The following AFF1 variants were observed in gnomAD, a reference collection of about 807,000 sequenced individuals.
The protein encoded by AFF1 is ALF transcription elongation factor 1.
AFF1 carries 48 observed loss-of-function variants against 121.7 expected under a neutral mutation model. That is an observed-to-expected ratio of 0.39 (90% CI 0.31 to 0.50). The LOEUF (loss-of-function observed/expected upper bound fraction) is 0.50, where lower values mean the gene tolerates loss of function less well. Ranked by LOEUF, AFF1 falls within the 20% of genes least tolerant of loss-of-function variation. AFF1 has a pLI of 0.76. For missense variants in AFF1, 1,523 were observed against 1,511.7 expected (o/e 1.01, Z -0.12); for synonymous variants, 613 against 563.0 (o/e 1.09, Z -1.26).
intron 2 of AFF1, among the ~76,000 whole-genome samples, chr4:87,013,816 A>G (rs1204707392): frequency 6.6e-6 from 1 of 152,108 alleles, no homozygotes; most frequent in Non-Finnish European, 1.5e-5. Context: ...GGTGCTTGTT[A>G]GTATGCAGAT....
At chr4:87,116,818 T>C (rs1727170867) in intron 12 of AFF1, among the ~76,000 whole-genome samples, 1 of 151,484 alleles carries the variant, frequency 6.6e-6, no homozygotes, top group African/African-American at 2.4e-5. Flanking sequence ...ACTTTTTGTA[T>C]GGGATGGGGT....
intron 2 of AFF1, among the ~76,000 whole-genome samples, chr4:87,002,993 G>A (rs902881515): frequency 6.6e-5 from 10 of 152,122 alleles, no homozygotes; most frequent in African/African-American, 2.2e-4. Context: ...ATACAATGGT[G>A]TTTTCAAAAC....
chr4:86,941,677 T>A (rs1034330078), intron 1 of AFF1, among the ~76,000 whole-genome samples: 3 of 149,766 alleles, frequency 2.0e-5, no homozygotes, highest in African/African-American at 5.0e-5. Context: ...AATAAATAAA[T>A]AAAATAAAAA....
rs1255880379 is a variant in AFF1 at position 86,985,178 on chromosome 4, T to TA, written c.38+36607_38+36608insA. ...AAAAATATAATATATATAATATGTA[T>TA]TACTATATATATATATATATATATA... On this transcript the variant is annotated intron_variant, in intron 2 of 20. Coordinates refer to ENST00000395146, the MANE Select transcript of AFF1 (RefSeq NM_001166693.3). Among the ~76,000 whole-genome samples the TA allele has an allele frequency of 9.3e-3, 856 of 92,510 alleles. 9 individuals are homozygous for TA. Among genetic ancestry groups the TA allele is most frequent in the Non-Finnish European group, 0.014 (671 of 49,430 alleles). 60.7% of individuals were successfully genotyped at this position (92,510 alleles called of 152,430 possible). A position where few individuals can be genotyped will look rare whatever the true frequency, so the allele number is the denominator to read the frequency against.
At chr4:87,012,246 AC>A (rs1726852069) in intron 2 of AFF1, among the ~76,000 whole-genome samples, 2 of 44,904 alleles carry the variant, frequency 4.5e-5, no homozygotes, top group Non-Finnish European at 5.0e-5. Context: ...GTATAACTAT[AC>A]ATATTTTAGT....
chr4:87,138,027 G>C lies in AFF1; in HGVS notation c.*2326G>C, dbSNP rs1192706918. 2 of 205,738 alleles carry C rather than the reference G, an allele frequency of 9.7e-6. No individual in the cohort carries two copies. Among genetic ancestry groups the C allele is most frequent in the Non-Finnish European group, 1.9e-5 (2 of 106,698 alleles). The allele number at this position is 205,738 out of a possible 1,614,324, so 12.7% of individuals were successfully genotyped here. On this transcript the variant is annotated 3_prime_UTR_variant, in exon 21 of 21. Transcript: ENST00000395146. ...TTTTTCAGTGGCCTTACTCTTTGTGGGTTTTTTTTTTTTTCTCTGAACTTG... is the reference window on the plus strand; with the variant it reads ...TTTTTCAGTGGCCTTACTCTTTGTGCGTTTTTTTTTTTTTCTCTGAACTTG...
intron 2 of AFF1, among the ~76,000 whole-genome samples, chr4:87,018,008 G>A (rs1421449567): frequency 6.6e-6 from 1 of 151,702 alleles, no homozygotes; most frequent in Non-Finnish European, 1.5e-5. Context: ...AGCCTTTCAA[G>A]TGTTCTTTCA....
intron 4 of AFF1, among the ~76,000 whole-genome samples, chr4:87,076,030 T>C (rs1722639100): frequency 6.6e-6 from 1 of 152,150 alleles, no homozygotes; most frequent in Non-Finnish European, 1.5e-5. Context: ...GAAGCCTGTC[T>C]GGAGGAGAAA....
chr4:87,006,914 G>C (rs1726190172), intron 2 of AFF1: 1 of 992,530 alleles, frequency 1.0e-6, no homozygotes, highest in Non-Finnish European at 1.2e-6. Context: ...CATTTAAGTA[G>C]GCGGGCCGTA....
chr4:87,087,617 A>G (rs1206720436), intron 5 of AFF1, among the ~76,000 whole-genome samples: 1 of 152,230 alleles, frequency 6.6e-6, no homozygotes, highest in Non-Finnish European at 1.5e-5. Context: ...TCTTCTCCTT[A>G]ATAATGGCCC....
At chr4:87,084,192 T>G in intron 5 of AFF1, 28 bp downstream of exon 5, 8 of 1,606,110 alleles carry the variant, frequency 5.0e-6, no homozygotes, top group Non-Finnish European at 6.8e-6. Flanking sequence ...CTTTCTCATT[T>G]GAAGAAATAT....
rs368559450 is a variant in AFF1, at chr4:87,042,205, A to G, written c.39-3961A>G. On this transcript the variant is annotated intron_variant, in intron 2 of 20. Coordinates refer to ENST00000395146, the MANE Select transcript of AFF1 (RefSeq NM_001166693.3). ...AGTGGGTTTATTTTTAAAATTTCAT[A>G]TTCCTTTATCTCAAAATGGAACCAA... Among the ~76,000 whole-genome samples the G allele has an allele frequency of 5.3e-5, 8 of 152,158 alleles. No homozygotes were observed. In the East Asian group the frequency reaches 1.3e-3, roughly 26 times the overall value.
chr4:87,062,533 GT>G (rs781197468), intron 4 of AFF1, among the ~76,000 whole-genome samples: 3 of 151,958 alleles, frequency 2.0e-5, no homozygotes, highest in Admixed American at 1.3e-4. Context: ...TAAAATATAT[GT>G]TTTTTTTCCA....
At chr4:87,022,821 G>A (rs1312157582) in intron 2 of AFF1, among the ~76,000 whole-genome samples, 2 of 150,750 alleles carry the variant, frequency 1.3e-5, no homozygotes, top group South Asian at 2.1e-4. Flanking sequence ...ACACACACAC[G>A]AATGTTAGCA....
At chr4:87,106,242 G>T (rs955567335) in intron 10 of AFF1, among the ~76,000 whole-genome samples, 1 of 152,138 alleles carries the variant, frequency 6.6e-6, no homozygotes, top group African/African-American at 2.4e-5. Flanking sequence ...AATTAGCCAG[G>T]CATGGTGGCG....
chr4:87,045,739 A>G (rs1177835671), intron 2 of AFF1, among the ~76,000 whole-genome samples: 2 of 152,192 alleles, frequency 1.3e-5, no homozygotes, highest in African/African-American at 4.8e-5. Flanking sequence ...AATGTACGCT[A>G]CTGATCCAGG....
intron 2 of AFF1, among the ~76,000 whole-genome samples, chr4:86,998,149 T>G (rs1432030193): frequency 6.8e-6 from 1 of 146,488 alleles, no homozygotes; most frequent in East Asian, 2.0e-4. Context: ...CGTGGACAGC[T>G]TTAGTATCAA....
At chr4:86,956,543 A>G (rs1405763335) in intron 2 of AFF1, among the ~76,000 whole-genome samples, 1 of 152,214 alleles carries the variant, frequency 6.6e-6, no homozygotes, top group African/African-American at 2.4e-5. Context: ...ACTACAATCC[A>G]GCTTTAGAAC....
chr4:87,128,988 A>G (rs1728561428), intron 16 of AFF1, among the ~76,000 whole-genome samples: 1 of 152,238 alleles, frequency 6.6e-6, no homozygotes, highest in African/African-American at 2.4e-5. Context: ...TACTTTCAGT[A>G]CTAAGATTTC....
Sources: allele counts gnomAD v4.1 joint callset (sites outside exome capture counted in the v4.1 genomes callset), GRCh38; gene constraint gnomAD v4.1.1; transcripts MANE v1.5; gene names NCBI Gene and HGNC (gene_info 2026-07-23, HGNC 2026-07-21).